Variants in WNT5B observed in about 807,000 individuals in gnomAD.
The protein encoded by WNT5B is Wnt family member 5B, also known as protein Wnt-5b.
Under a neutral mutation model 36.5 loss-of-function variants are expected in WNT5B, and 18 were observed. The observed-to-expected ratio is 0.49, with a 90% CI of 0.34 to 0.73. WNT5B has a LOEUF of 0.73. Among genes scored for constraint, WNT5B ranks in the 30% least tolerant of loss-of-function variants. WNT5B has a pLI of 0.01. For missense variants in WNT5B, 424 were observed against 508.4 expected (o/e 0.83, Z 1.60); for synonymous variants, 213 against 212.3 (o/e 1.00, Z -0.03).
intron 4 of WNT5B, among the ~76,000 whole-genome samples, chr12:1,642,754 C>T (rs1464665193): frequency 6.6e-6 from 1 of 152,146 alleles, no homozygotes; most frequent in East Asian, 1.9e-4. Flanking sequence ...GGCAGCCTTC[C>T]CTCCCATCAG....
chr12:1,638,044 C>G (rs527250973), intron 3 of WNT5B, among the ~76,000 whole-genome samples: 1 of 152,176 alleles, frequency 6.6e-6, no homozygotes. Context: ...GTCAGGAGAT[C>G]GAGACCATCC....
intron 4 of WNT5B, among the ~76,000 whole-genome samples, chr12:1,642,286 A>C (rs1413125403): frequency 6.6e-6 from 1 of 152,142 alleles, no homozygotes; most frequent in Non-Finnish European, 1.5e-5. Context: ...AGGGGTTAAG[A>C]TCCGCACTTT....
At chr12:1,622,267 C>A (rs560950143) in intron 1 of WNT5B, among the ~76,000 whole-genome samples, 3 of 152,050 alleles carry the variant, frequency 2.0e-5, no homozygotes, top group African/African-American at 7.2e-5. Context: ...CCCGCCACCA[C>A]GCCCGGCTAA....
upstream of WNT5B, among the ~76,000 whole-genome samples, chr12:1,625,669 T>C (rs2094539938): frequency 6.6e-6 from 1 of 152,236 alleles, no homozygotes; most frequent in South Asian, 2.1e-4. Flanking sequence ...CTTTTGTTTT[T>C]TCTCTTTTTT....
chr12:1,617,646 AAAAG>A (rs1026827110), intron 1 of WNT5B, among the ~76,000 whole-genome samples: 4 of 152,116 alleles, frequency 2.6e-5, no homozygotes, highest in Non-Finnish European at 5.9e-5. Context: ...AAAGAAAAGA[AAAAG>A]AAAAAAGAAC....
At chr12:1,627,443 G>C (rs2094542775), upstream of WNT5B, among the ~76,000 whole-genome samples, 1 of 152,170 alleles carries the variant, frequency 6.6e-6, no homozygotes, top group Non-Finnish European at 1.5e-5. This position sits in a 1 kb window ranked among gnomAD's most constrained non-coding sequence, Gnocchi z 5.0. Flanking sequence ...TCATCCTGTG[G>C]GGCAGAGATG....
intron 1 of WNT5B, among the ~76,000 whole-genome samples, chr12:1,623,430 C>G (rs972048988): frequency 3.3e-5 from 5 of 151,728 alleles, no homozygotes; most frequent in Non-Finnish European, 5.9e-5. Context: ...CTCCTGACCT[C>G]GTGATCCGCC....
chr12:1,639,201 G>C (rs1042685166), intron 3 of WNT5B, among the ~76,000 whole-genome samples: 7 of 150,130 alleles, frequency 4.7e-5, no homozygotes, highest in Non-Finnish European at 5.9e-5. Flanking sequence ...GCAGTGGCGC[G>C]GTCTCAGCTC....
chr12:1,629,933 A>G (rs1592523140), intron 1 of WNT5B: 1 of 162,510 alleles, frequency 6.2e-6, no homozygotes, highest in Non-Finnish European at 1.3e-5. Context: ...ACAAAGGGGA[A>G]GGAGCAAGTG....
chr12:1,646,278 C>G lies in WNT5B; in HGVS notation c.*26C>G, dbSNP rs1469811184. On this transcript the variant is annotated 3_prime_UTR_variant, in exon 5 of 5. Transcript: ENST00000397196. Reference sequence around the variant, plus strand: ...CCCGGAGGGCCTGCTCCCGGCCCCCCTGCACTCTGCCTCACAAAGGTCTAT... The same window carrying G: ...CCCGGAGGGCCTGCTCCCGGCCCCCGTGCACTCTGCCTCACAAAGGTCTAT... The G allele has an allele frequency of 3.8e-6, 6 of 1,571,566 alleles. No individual in the cohort carries two copies. Among genetic ancestry groups the G allele is most frequent in the East Asian group, 2.2e-5 (1 of 44,468 alleles).
chr12:1,636,634 G>A (rs1279063391), intron 3 of WNT5B, among the ~76,000 whole-genome samples: 1 of 149,982 alleles, frequency 6.7e-6, no homozygotes, highest in African/African-American at 2.5e-5. Flanking sequence ...TCCAACTCCT[G>A]GGCTTAAACA....
intron 1 of WNT5B, among the ~76,000 whole-genome samples, chr12:1,621,440 C>T (rs1300072330): frequency 6.6e-6 from 1 of 152,192 alleles, no homozygotes; most frequent in Non-Finnish European, 1.5e-5. Flanking sequence ...ATGTCTTTGA[C>T]CCCATTCCTG....
rs1385445913 is a variant in WNT5B, at chr12:1,639,975, G to A, written c.620G>A (p.Arg207Lys). Residue 207 changes from arginine to lysine, a missense_variant and splice_region_variant, in exon 4 of 5, where the codon AGG becomes AAG. Physicochemically the swap from Arg to Lys is conservative, Grantham distance 26 (BLOSUM62 2). Coordinates refer to ENST00000397196, the MANE Select transcript of WNT5B (RefSeq NM_032642.3). ...CTGCAAAACAACGAGGCCGGTCGCAGGGTAAGCTGGGCCTCCCCGGCCTCC... is the reference window on the plus strand; with the variant it reads ...CTGCAAAACAACGAGGCCGGTCGCAAGGTAAGCTGGGCCTCCCCGGCCTCC... ...MNLQNNEAGR[R>K]AVYKMADVAC... The A allele has an allele frequency of 6.2e-7, 1 of 1,609,734 alleles. No individual in the cohort carries two copies. The highest frequency in any genetic ancestry group is 1.1e-5 in the South Asian group (1 of 90,444).
intron 4 of WNT5B, among the ~76,000 whole-genome samples, chr12:1,641,309 C>T (rs1186116502): frequency 6.7e-6 from 1 of 149,970 alleles, no homozygotes; most frequent in Non-Finnish European, 1.5e-5. Context: ...TTGCTTGAAC[C>T]TGGGAGGCGG....
chr12:1,623,194 T>G (rs897896283), intron 1 of WNT5B, among the ~76,000 whole-genome samples: 5 of 111,162 alleles, frequency 4.5e-5, no homozygotes, highest in East Asian at 2.3e-4. Context: ...GTTGTTTTTT[T>G]TTTTTTTTTT....
chr12:1,623,187 G>GTTGTTTTTTTTTTTTTT (rs1555156806), intron 1 of WNT5B, among the ~76,000 whole-genome samples: 1 of 58,366 alleles, frequency 1.7e-5, no homozygotes, highest in African/African-American at 7.2e-5. Flanking sequence ...GTTTTTTGTT[G>GTTGTTTTTTTTTTTTTT]TTTTTTTTTT....
chr12:1,640,063 A>G (rs1592535729), intron 4 of WNT5B, 87 bp downstream of exon 4: 1 of 1,462,826 alleles, frequency 6.8e-7, no homozygotes, highest in East Asian at 2.5e-5. Flanking sequence ...CTGGCCTTCA[A>G]GGAAACGGGT....
Position 1,639,915 on chromosome 12 carries a change from A to G in WNT5B, c.560A>G (p.Lys187Arg), listed in dbSNP as rs2094571411. The G allele has an allele frequency of 6.2e-7, 1 of 1,613,906 alleles. No individual in the cohort carries two copies. The highest frequency in any genetic ancestry group is 1.3e-5 in the African/African-American group (1 of 74,898). ...DAREREKNFA[K>R]GSEEQGRVLM... is the part of the protein sequence containing the mutation. Reference sequence around the variant, plus strand: ...CGGGAGCGAGAGAAGAACTTTGCCAAAGGATCAGAGGAGCAGGGCCGGGTG... The same window carrying G: ...CGGGAGCGAGAGAAGAACTTTGCCAGAGGATCAGAGGAGCAGGGCCGGGTG... The change falls in exon 4 of 5, where the codon AAA becomes AGA. Residue 187 changes from lysine (K) to arginine (R), a missense_variant. Coordinates refer to ENST00000397196, the MANE Select transcript of WNT5B (RefSeq NM_032642.3).
chr12:1,625,306 C>A (rs1017500417), upstream of WNT5B, among the ~76,000 whole-genome samples: 2 of 152,156 alleles, frequency 1.3e-5, no homozygotes, highest in Admixed American at 6.5e-5. Flanking sequence ...CTCTGGTGTT[C>A]AGATGCCAGA....
Sources: allele counts gnomAD v4.1 joint callset (sites outside exome capture counted in the v4.1 genomes callset), GRCh38; gene constraint gnomAD v4.1.1; non-coding constraint Gnocchi (gnomAD v3.1); transcripts MANE v1.5; gene names NCBI Gene and HGNC (gene_info 2026-07-23, HGNC 2026-07-21).